PPP3CA: variants seen among roughly 807,000 people sequenced by gnomAD.
The protein encoded by PPP3CA is CAM-PRP catalytic subunit.
Under a neutral mutation model 66.5 loss-of-function variants are expected in PPP3CA, and 14 were observed. The ratio of observed to expected loss-of-function variants is 0.21; its 90% CI spans 0.14 to 0.33. The LOEUF (loss-of-function observed/expected upper bound fraction) is 0.33. Ranked by LOEUF, PPP3CA falls within the 10% of genes least tolerant of loss-of-function variation. The probability of loss-of-function intolerance (pLI) is 1.00; values close to 1 mark genes in which losing one functional copy is unlikely to be tolerated. For missense variants in PPP3CA, 317 were observed against 639.5 expected (o/e 0.50, Z 5.44); for synonymous variants, 232 against 226.2 (o/e 1.03, Z -0.23).
chr4:101,184,181 A>G (rs1390513028), intron 2 of PPP3CA, among the ~76,000 whole-genome samples: 3 of 152,178 alleles, frequency 2.0e-5, no homozygotes, highest in African/African-American at 7.2e-5. Flanking sequence ...GAACCTGACT[A>G]TGCTCGTTAG....
At chr4:101,204,534 G>A (rs997613621) in intron 1 of PPP3CA, among the ~76,000 whole-genome samples, 5 of 151,592 alleles carry the variant, frequency 3.3e-5, no homozygotes, top group Non-Finnish European at 7.4e-5. Context: ...TACTCTGGAG[G>A]CTGAGGCAGG....
intron 1 of PPP3CA, among the ~76,000 whole-genome samples, chr4:101,238,871 C>G (rs1726211296): frequency 6.6e-6 from 1 of 152,052 alleles, no homozygotes; most frequent in East Asian, 1.9e-4. Flanking sequence ...ATGTCTTACA[C>G]AATTATTGCT....
At chr4:101,212,089 CTTAA>C (rs141046775) in intron 1 of PPP3CA, among the ~76,000 whole-genome samples, 2,060 of 152,188 alleles carry the variant, frequency 0.014, 50 homozygotes, top group African/African-American at 0.048. Flanking sequence ...CTTATATATT[CTTAA>C]TTATTTGTCA....
chr4:101,077,183 T>C (rs1292111869), intron 8 of PPP3CA, among the ~76,000 whole-genome samples: 2 of 152,232 alleles, frequency 1.3e-5, no homozygotes, highest in African/African-American at 4.8e-5. Context: ...GAACTACTAA[T>C]AAGAAATACT....
chr4:101,255,322 T>A lies in PPP3CA; in HGVS notation c.59-59206A>T, dbSNP rs145362775. The stretch of plus-strand genomic sequence containing the variant: ...TCTTATTTCACCAGTAAGAAAGAGA[T>A]ACGCTACTGTTGTCGTTAGCTTTTT... On this transcript the variant is annotated intron_variant, in intron 1 of 13. Coordinates refer to ENST00000394854, the MANE Select transcript of PPP3CA (RefSeq NM_000944.5). Among the ~76,000 whole-genome samples the A allele has an allele frequency of 5.0e-3, 759 of 152,048 alleles. 6 individuals are homozygous for A. Among genetic ancestry groups the A allele is most frequent in the African/African-American group, 0.017 (713 of 41,528 alleles).
chr4:101,229,242 C>CACAT (rs1287562376), intron 1 of PPP3CA, among the ~76,000 whole-genome samples: 2 of 151,346 alleles, frequency 1.3e-5, no homozygotes, highest in African/African-American at 4.8e-5. Flanking sequence ...ATTTTACACT[C>CACAT]ACACACACAC....
At chr4:101,340,286 A>G (rs571419750) in intron 1 of PPP3CA, among the ~76,000 whole-genome samples, 1 of 152,294 alleles carries the variant, frequency 6.6e-6, no homozygotes, top group Admixed American at 6.5e-5. Context: ...CTGTGAGACA[A>G]AAGCATGGAT....
intron 1 of PPP3CA, among the ~76,000 whole-genome samples, chr4:101,284,649 A>T: frequency 6.7e-6 from 1 of 148,994 alleles, no homozygotes; most frequent in Non-Finnish European, 1.5e-5. Flanking sequence ...CCTACTCCCC[A>T]CCCCCATGTC....
At chr4:101,141,815 G>A (rs1476486420) in intron 2 of PPP3CA, among the ~76,000 whole-genome samples, 1 of 152,154 alleles carries the variant, frequency 6.6e-6, no homozygotes, top group East Asian at 1.9e-4. Context: ...CCTGCATCCT[G>A]ACTTATTAAT....
chr4:101,291,587 G>C (rs1197526263), intron 1 of PPP3CA, among the ~76,000 whole-genome samples: 1 of 152,160 alleles, frequency 6.6e-6, no homozygotes, highest in East Asian at 1.9e-4. Context: ...TCTAACAAAT[G>C]TTTAGCAGAC....
At chr4:101,028,508 T>C (rs1276167482) in intron 13 of PPP3CA, among the ~76,000 whole-genome samples, 1 of 152,208 alleles carries the variant, frequency 6.6e-6, no homozygotes, top group Non-Finnish European at 1.5e-5. Flanking sequence ...TGAGTGCTAC[T>C]TGATACTCGC....
At chr4:101,300,991 T>C (rs1259217521) in intron 1 of PPP3CA, among the ~76,000 whole-genome samples, 1 of 152,196 alleles carries the variant, frequency 6.6e-6, no homozygotes, top group Non-Finnish European at 1.5e-5. Context: ...TCTAAAATTA[T>C]CACAATCTTT....
rs75157495 is a variant in PPP3CA at position 101,073,735 on chromosome 4, G to A, written c.955+6797C>T. On this transcript the variant is annotated intron_variant, in intron 8 of 13. Coordinates refer to ENST00000394854, the MANE Select transcript of PPP3CA (RefSeq NM_000944.5). The stretch of plus-strand genomic sequence containing the variant: ...GTGTATGATTCTATCATACCCATAT[G>A]GCTTTAAGAATCTTTATCAAATAAA... Among the ~76,000 whole-genome samples, 960 of 152,096 alleles carry A rather than the reference G, an allele frequency of 6.3e-3. 7 individuals are homozygous for A. The highest frequency in any genetic ancestry group is 0.034 in the Middle Eastern group (10 of 294).
At chr4:101,105,061 T>C (rs1045507927) in intron 3 of PPP3CA, among the ~76,000 whole-genome samples, 1 of 152,268 alleles carries the variant, frequency 6.6e-6, no homozygotes, top group South Asian at 2.1e-4. Flanking sequence ...AAACAAAACA[T>C]AGCAAATTTC....
chr4:101,266,737 A>G (rs1404529210), intron 1 of PPP3CA, among the ~76,000 whole-genome samples: 1 of 152,182 alleles, frequency 6.6e-6, no homozygotes, highest in Non-Finnish European at 1.5e-5. Flanking sequence ...CAACTAGTGA[A>G]AGTGAAATTT....
intron 6 of PPP3CA, among the ~76,000 whole-genome samples, chr4:101,085,232 G>A (rs775459465): frequency 2.6e-5 from 4 of 151,938 alleles, no homozygotes; most frequent in Admixed American, 6.6e-5. Flanking sequence ...TTGTGCCTTC[G>A]CAATGCCTCT....
chr4:101,192,354 A>G (rs1724634446), intron 2 of PPP3CA, among the ~76,000 whole-genome samples: 1 of 152,058 alleles, frequency 6.6e-6, no homozygotes, highest in Admixed American at 6.6e-5. Context: ...CTTCCTACTC[A>G]TCTCATCCAG....
At chr4:101,174,266 T>C (rs999891009) in intron 2 of PPP3CA, among the ~76,000 whole-genome samples, 1 of 152,166 alleles carries the variant, frequency 6.6e-6, no homozygotes, top group East Asian at 1.9e-4. Context: ...TGCTTAAAAT[T>C]GGCTCTTTTG....
intron 2 of PPP3CA, among the ~76,000 whole-genome samples, chr4:101,142,397 A>G (rs1578489191): frequency 6.6e-6 from 1 of 152,240 alleles, no homozygotes; most frequent in African/African-American, 2.4e-5. Context: ...GACAGTGAGA[A>G]AGAGGAAAGC....
Sources: allele counts gnomAD v4.1 joint callset (sites outside exome capture counted in the v4.1 genomes callset), GRCh38; gene constraint gnomAD v4.1.1; transcripts MANE v1.5; gene names NCBI Gene and HGNC (gene_info 2026-07-23, HGNC 2026-07-21).